Variants in ANKS1B observed in about 807,000 individuals in gnomAD.
The protein encoded by ANKS1B is ankyrin repeat and sterile alpha motif domain containing 1B, also known as ankyrin repeat and sterile alpha motif domain-containing protein 1B.
Under a neutral mutation model 148.3 loss-of-function variants are expected in ANKS1B, and 36 were observed. That is an observed-to-expected ratio of 0.24 (90% confidence interval 0.19 to 0.32). The LOEUF (loss-of-function observed/expected upper bound fraction) is 0.32, where lower values mean the gene tolerates loss of function less well. Among genes scored for constraint, ANKS1B ranks in the 10% least tolerant of loss-of-function variants. The pLI is 1.00. For missense variants in ANKS1B, 1,157 were observed against 1,542.6 expected (o/e 0.75, Z 4.19); for synonymous variants, 542 against 560.8 (o/e 0.97, Z 0.47).
intron 10 of ANKS1B, among the ~76,000 whole-genome samples, chr12:99,489,821 C>A (rs556410661): frequency 6.6e-6 from 1 of 152,206 alleles, no homozygotes; most frequent in Admixed American, 6.5e-5. Flanking sequence ...GTGAAAAACA[C>A]AGAAAACACT....
intron 3 of ANKS1B, among the ~76,000 whole-genome samples, chr12:99,811,068 T>A (rs760703101): frequency 9.9e-5 from 15 of 152,000 alleles, no homozygotes; most frequent in Non-Finnish European, 2.1e-4. Context: ...CATGGAAATT[T>A]TTATTGTGAT....
chr12:99,841,032 T>C (rs931842811), intron 1 of ANKS1B, among the ~76,000 whole-genome samples: 1 of 152,124 alleles, frequency 6.6e-6, no homozygotes, highest in African/African-American at 2.4e-5. Flanking sequence ...GGATTCAAAC[T>C]GTCTGGACTA....
At chr12:99,661,324 T>A (rs2153453824) in intron 8 of ANKS1B, among the ~76,000 whole-genome samples, 1 of 152,294 alleles carries the variant, frequency 6.6e-6, no homozygotes, top group Middle Eastern at 3.4e-3. Context: ...ATCACTTATG[T>A]CTTTAGATGA....
intron 9 of ANKS1B, among the ~76,000 whole-genome samples, chr12:99,600,991 T>C (rs1211558330): frequency 6.6e-6 from 1 of 152,094 alleles, no homozygotes; most frequent in African/African-American, 2.4e-5. Flanking sequence ...ACAAATTTCA[T>C]AGAAATTTGC....
chr12:99,424,745 A>G lies in ANKS1B; in HGVS notation c.1575+18928T>C, dbSNP rs113037256. Among the ~76,000 whole-genome samples, 614 of 151,964 alleles carry G rather than the reference A, an allele frequency of 4.0e-3. 5 individuals are homozygous for G. The highest frequency in any genetic ancestry group is 0.013 in the African/African-American group (552 of 41,494). On this transcript the variant is annotated intron_variant, in intron 11 of 26. Coordinates refer to ENST00000683438, the MANE Select transcript of ANKS1B (RefSeq NM_001352186.2). The stretch of plus-strand genomic sequence containing the variant: ...TGTCTGTCTAGTTAAAGCAAACTAA[A>G]TATGGCCTGAGAAGGACTCCATACT...
At position 99,471,462 on chromosome 12, in the gene ANKS1B, C is replaced by A. The variant is rs1595476919; in HGVS notation, c.1439-27653G>T. The stretch of plus-strand genomic sequence containing the variant: ...AAGTTTTGTGTACATCTTAAGGGAC[C>A]TCTTTCACAAGCAACCAGAAGTCCT... On this transcript the variant is annotated intron_variant, in intron 10 of 26. Transcript: ENST00000683438. Among the ~76,000 whole-genome samples the A allele has an allele frequency of 3.3e-5, 5 of 152,058 alleles. 1 individual carries two copies. Among genetic ancestry groups the A allele is most frequent in the Admixed American group, 3.3e-4 (5 of 15,206 alleles).
intron 8 of ANKS1B, among the ~76,000 whole-genome samples, chr12:99,696,636 G>GA (rs1262495785): frequency 6.6e-6 from 1 of 152,168 alleles, no homozygotes; most frequent in Middle Eastern, 3.4e-3. Flanking sequence ...AAGATAACAG[G>GA]AAAAAAATCT....
intron 9 of ANKS1B, among the ~76,000 whole-genome samples, chr12:99,533,740 G>C (rs749225712): frequency 2.0e-5 from 3 of 152,146 alleles, no homozygotes; most frequent in Non-Finnish European, 2.9e-5. Flanking sequence ...CAGTGAGCTA[G>C]TGCTCCATTT....
At chr12:99,113,122 C>T (rs1385742105) in intron 15 of ANKS1B, among the ~76,000 whole-genome samples, 1 of 152,184 alleles carries the variant, frequency 6.6e-6, no homozygotes, top group Non-Finnish European at 1.5e-5. Context: ...TGTTTTAGAA[C>T]TGGATAAGCC....
At chr12:99,442,799 C>T (rs2095571304) in intron 11 of ANKS1B, among the ~76,000 whole-genome samples, 2 of 151,854 alleles carry the variant, frequency 1.3e-5, no homozygotes, top group South Asian at 4.1e-4. Flanking sequence ...TTAAAAGACA[C>T]ATTTTCCCTA....
At chr12:98,950,105 G>C (rs6538888) in intron 17 of ANKS1B, among the ~76,000 whole-genome samples, 1 of 152,072 alleles carries the variant, frequency 6.6e-6, no homozygotes, top group South Asian at 2.1e-4. Flanking sequence ...AAAGAAGTCA[G>C]TGAAGATGCA....
intron 12 of ANKS1B, among the ~76,000 whole-genome samples, chr12:99,398,711 G>C (rs2094321192): frequency 6.6e-6 from 1 of 152,072 alleles, no homozygotes; most frequent in Non-Finnish European, 1.5e-5. Context: ...GAAACAACCT[G>C]CTGCAACTCT....
Position 99,648,153 on chromosome 12 carries a change from C to T in ANKS1B, c.1272+6914G>A, listed in dbSNP as rs949547743. 3 of 1,585,188 alleles carry T rather than the reference C, an allele frequency of 1.9e-6. No individual in the cohort carries two copies. In the Admixed American group the frequency reaches 5.1e-5, roughly 27 times the overall value. On this transcript the variant is annotated intron_variant, in intron 9 of 26. Coordinates refer to ENST00000683438, the MANE Select transcript of ANKS1B (RefSeq NM_001352186.2). ...GAAGGTGTGGAGCAGCTGCTGGGAACTGTCTTGATTTAAAGGAAGACATGG... is the reference window on the plus strand; with the variant it reads ...GAAGGTGTGGAGCAGCTGCTGGGAATTGTCTTGATTTAAAGGAAGACATGG...
Position 99,955,425 on chromosome 12 carries a change from G to GGAGCTT in ANKS1B, c.134+28673_134+28678dup, listed in dbSNP as rs537865400. On this transcript the variant is annotated intron_variant, in intron 1 of 26. Coordinates refer to ENST00000683438, the MANE Select transcript of ANKS1B (RefSeq NM_001352186.2). ...GGAGAATGGCGTGAACCCGGGAGGC[G>GGAGCTT]GAGCTTGCAGTGAGTCGAGATCGCG... Among the ~76,000 whole-genome samples, 702 of 147,950 alleles carry GGAGCTT rather than the reference G, an allele frequency of 4.7e-3. 3 individuals are homozygous for GGAGCTT. The highest frequency in any genetic ancestry group is 7.1e-3 in the Non-Finnish European group (479 of 67,304).
chr12:99,755,652 C>T (rs1281994181), intron 8 of ANKS1B, among the ~76,000 whole-genome samples: 2 of 148,882 alleles, frequency 1.3e-5, no homozygotes, highest in African/African-American at 4.9e-5. Context: ...AAAACCCTAT[C>T]CACCATAATC....
At chr12:98,947,797 T>G (rs373842756) in intron 17 of ANKS1B, among the ~76,000 whole-genome samples, 4 of 152,212 alleles carry the variant, frequency 2.6e-5, no homozygotes, top group African/African-American at 9.6e-5. Context: ...GATGTGGTTT[T>G]CCTGTGTCTT....
intron 16 of ANKS1B, among the ~76,000 whole-genome samples, chr12:99,058,231 CTTTT>C (rs1032294121): frequency 1.9e-4 from 24 of 124,618 alleles, no homozygotes; most frequent in Non-Finnish European, 3.4e-4. Context: ...CATGCCACAT[CTTTT>C]TTTTTTTTTT....
downstream of ANKS1B, among the ~76,000 whole-genome samples, chr12:98,739,390 A>G (rs2097787580): frequency 6.6e-6 from 1 of 152,214 alleles, no homozygotes. Context: ...AAGCAGCAGG[A>G]ACATTCTGAT....
chr12:98,973,365 C>T (rs2099885267), intron 17 of ANKS1B, among the ~76,000 whole-genome samples: 1 of 152,228 alleles, frequency 6.6e-6, no homozygotes, highest in East Asian at 1.9e-4. Flanking sequence ...AAGGTATTTC[C>T]ACCTGTATCT....
Sources: allele counts gnomAD v4.1 joint callset (sites outside exome capture counted in the v4.1 genomes callset), GRCh38; gene constraint gnomAD v4.1.1; transcripts MANE v1.5; gene names NCBI Gene and HGNC (gene_info 2026-07-23, HGNC 2026-07-21).